IFT57: variants seen among roughly 807,000 people sequenced by gnomAD.
IFT57 encodes intraflagellar transport 57, also known as intraflagellar transport protein 57 homolog.
In IFT57, 59 loss-of-function variants were observed where a neutral mutation model predicts 56.8. That is an observed-to-expected ratio of 1.04 (90% CI 0.84 to 1.29). The LOEUF (loss-of-function observed/expected upper bound fraction) is 1.29, where lower values mean the gene tolerates loss of function less well. Ranked by LOEUF, IFT57 falls within the 50% of genes most tolerant of loss-of-function variation. The probability of loss-of-function intolerance (pLI) is 0.00; values close to 1 mark genes in which losing one functional copy is unlikely to be tolerated. For synonymous variants in IFT57, 209 were observed against 186.1 expected (o/e 1.12, Z -1.00); for missense variants, 470 against 522.1 (o/e 0.90, Z 0.97).
intron 4 of IFT57, among the ~76,000 whole-genome samples, chr3:108,213,000 G>A (rs1018144393): frequency 2.0e-5 from 3 of 152,066 alleles, no homozygotes; most frequent in African/African-American, 7.2e-5. Flanking sequence ...TATGAAGACA[G>A]GGAAGATACT....
At chr3:108,193,233 T>C (rs1325887351) in intron 5 of IFT57, among the ~76,000 whole-genome samples, 5 of 152,226 alleles carry the variant, frequency 3.3e-5, no homozygotes. Flanking sequence ...GGGTTTGTAT[T>C]TTTGTGGGAG....
At chr3:108,183,484 A>C (rs1263825286) in intron 6 of IFT57, among the ~76,000 whole-genome samples, 2 of 152,242 alleles carry the variant, frequency 1.3e-5, no homozygotes, top group East Asian at 3.9e-4. Context: ...GACCAAGCCA[A>C]ATATCCTCCC....
intron 6 of IFT57, among the ~76,000 whole-genome samples, chr3:108,172,162 G>T (rs921466569): frequency 6.6e-6 from 1 of 151,844 alleles, no homozygotes; most frequent in Non-Finnish European, 1.5e-5. Flanking sequence ...GGAGGGGCTG[G>T]TATTTCTGTG....
At chr3:108,189,148 ATTC>A (rs1485829640) in intron 6 of IFT57, among the ~76,000 whole-genome samples, 12 of 152,362 alleles carry the variant, frequency 7.9e-5, no homozygotes, top group African/African-American at 2.6e-4. Flanking sequence ...TGAAGAAGAA[ATTC>A]TTATTAATAT....
Position 108,162,407 on chromosome 3 carries a change from A to G in IFT57, c.*70T>C, listed in dbSNP as rs1009019245. On this transcript the variant is annotated 3_prime_UTR_variant, in exon 11 of 11. Transcript: ENST00000264538. ...ATTGAACATAAAATTATGTTTTGAA[A>G]TCTATGCAACATGAAATATAGTTTG... 9 of 1,270,098 alleles carry G rather than the reference A, an allele frequency of 7.1e-6. No individual in the cohort carries two copies. The highest frequency in any genetic ancestry group is 9.8e-6 in the Non-Finnish European group (9 of 918,238). 78.7% of individuals were successfully genotyped at this position (1,270,098 alleles called of 1,614,324 possible).
At chr3:108,219,664 A>C (rs1328929242) in intron 1 of IFT57, 92 bp from the exon 2 acceptor site, 2 of 1,326,456 alleles carry the variant, frequency 1.5e-6, no homozygotes, top group Non-Finnish European at 2.1e-6. Context: ...ATTGTCCAAC[A>C]ATCTTTCTTC....
At chr3:108,214,816 G>C (rs1039117941) in intron 3 of IFT57, among the ~76,000 whole-genome samples, 10 of 151,894 alleles carry the variant, frequency 6.6e-5, no homozygotes, top group Non-Finnish European at 1.3e-4. Context: ...TTAATGTTTT[G>C]CCTAACCTCT....
intron 4 of IFT57, among the ~76,000 whole-genome samples, chr3:108,208,363 G>C (rs978308565): frequency 1.3e-5 from 2 of 152,184 alleles, no homozygotes; most frequent in Non-Finnish European, 2.9e-5. Flanking sequence ...ATGACTCAAT[G>C]CTCATGGGAG....
chr3:108,168,656 C>T (rs2080075708), intron 6 of IFT57, among the ~76,000 whole-genome samples: 1 of 151,924 alleles, frequency 6.6e-6, no homozygotes, highest in African/African-American at 2.4e-5. Flanking sequence ...TCCCCCATCC[C>T]CCAACAGGCC....
intron 6 of IFT57, among the ~76,000 whole-genome samples, chr3:108,183,221 T>G (rs190910405): frequency 3.8e-4 from 58 of 152,204 alleles, no homozygotes; most frequent in Middle Eastern, 3.4e-3. Flanking sequence ...TCATGAAGAA[T>G]AATAGGATTG....
At chr3:108,184,890 G>A (rs1329774198) in intron 6 of IFT57, among the ~76,000 whole-genome samples, 2 of 152,132 alleles carry the variant, frequency 1.3e-5, no homozygotes, top group Non-Finnish European at 2.9e-5. Context: ...CATAAACCCT[G>A]AATAACACCA....
chr3:108,184,093 ACAGT>A (rs2080165915), intron 6 of IFT57, among the ~76,000 whole-genome samples: 1 of 152,204 alleles, frequency 6.6e-6, no homozygotes, highest in South Asian at 2.1e-4. Flanking sequence ...GCATCCTCAG[ACAGT>A]CAGTTTCTAA....
At chr3:108,175,467 A>G (rs993521850) in intron 6 of IFT57, among the ~76,000 whole-genome samples, 1 of 151,882 alleles carries the variant, frequency 6.6e-6, no homozygotes, top group African/African-American at 2.4e-5. Flanking sequence ...CCTTCTTCAG[A>G]AACTGAAAAA....
chr3:108,190,507 C>T (rs541292248), intron 6 of IFT57, among the ~76,000 whole-genome samples: 11 of 152,342 alleles, frequency 7.2e-5, no homozygotes, highest in African/African-American at 2.6e-4. Flanking sequence ...TCTTCTCCTT[C>T]CTGCGGCCTT....
chr3:108,205,276 C>T (rs1265346785), intron 5 of IFT57, among the ~76,000 whole-genome samples: 1 of 151,734 alleles, frequency 6.6e-6, no homozygotes, highest in Non-Finnish European at 1.5e-5. Flanking sequence ...TTTCAAAAAC[C>T]CTATGACAAA....
intron 3 of IFT57, 66 bp from the exon 4 acceptor site, chr3:108,214,087 G>A (rs2080357985): frequency 1.1e-6 from 1 of 917,846 alleles, no homozygotes; most frequent in Non-Finnish European, 1.7e-6. Flanking sequence ...AAATCATAAT[G>A]CAAATATCAT....
chr3:108,213,757 C>T (rs1163145605), intron 4 of IFT57, 174 bp downstream of exon 4: 1 of 521,692 alleles, frequency 1.9e-6, no homozygotes. Flanking sequence ...AGAATACAAA[C>T]ATTAACTTAA....
At chr3:108,167,088 T>A (rs2080067511) in intron 7 of IFT57, 103 bp from the exon 8 acceptor site, 6 of 999,138 alleles carry the variant, frequency 6.0e-6, no homozygotes, top group African/African-American at 1.6e-5. Context: ...AATAATCAAC[T>A]ACATGTGCAA....
intron 3 of IFT57, among the ~76,000 whole-genome samples, chr3:108,216,028 AC>A: frequency 6.6e-6 from 1 of 152,338 alleles, no homozygotes; most frequent in Middle Eastern, 3.4e-3. Context: ...AACTGAAACT[AC>A]TAGAGGAAAT....
Sources: gnomAD v4.1 joint callset for allele counts (sites outside exome capture counted in the v4.1 genomes callset) on GRCh38, gnomAD v4.1.1 for gene constraint, MANE v1.5 for transcripts, NCBI Gene and HGNC (gene_info 2026-07-23, HGNC 2026-07-21) for gene names.